The following ACSL3 variants were observed in gnomAD, a reference collection of about 807,000 sequenced individuals.
The protein encoded by ACSL3 is acyl-CoA synthetase long chain family member 3.
In ACSL3, 34 loss-of-function variants were observed where a neutral mutation model predicts 84.7. The ratio of observed to expected loss-of-function variants is 0.40; its 90% CI spans 0.31 to 0.53. The LOEUF (loss-of-function observed/expected upper bound fraction) is 0.53, where lower values mean the gene tolerates loss of function less well. Among genes scored for constraint, ACSL3 ranks in the 20% least tolerant of loss-of-function variants. ACSL3 has a pLI of 0.48. For synonymous variants in ACSL3, 315 were observed against 299.4 expected (o/e 1.05, Z -0.54); for missense variants, 680 against 873.1 (o/e 0.78, Z 2.79).
intron 12 of ACSL3, among the ~76,000 whole-genome samples, chr2:222,928,591 C>T (rs1300811648): frequency 6.6e-6 from 1 of 151,432 alleles, no homozygotes; most frequent in Admixed American, 6.6e-5. Context: ...CCCATTGTTG[C>T]TGGCGATTCC....
At position 222,921,317 on chromosome 2, in the gene ACSL3, T is replaced by C. The variant is rs1696728053; in HGVS notation, c.843T>C (p.Ile281=). 6.2e-7 allele frequency: 1 copy of C among 1,600,764 alleles called. No individual in the cohort carries two copies. Among genetic ancestry groups the C allele is most frequent in the East Asian group, 2.3e-5 (1 of 44,406 alleles). ...ATAGCAAACCATTGCCCTCAGATATTGCAGTAATCATGTACACAAGTGGAT... is the reference window on the plus strand; with the variant it reads ...ATAGCAAACCATTGCCCTCAGATATCGCAGTAATCATGTACACAAGTGGAT... ...QPHSKPLPSD[I]AVIMYTSGST... Residue 281 remains isoleucine (I), a synonymous_variant, in exon 8 of 17, where the codon ATT becomes ATC. Transcript: ENST00000357430.
chr2:222,926,953 T>A, intron 11 of ACSL3, 64 bp from the exon 12 acceptor site: 1 of 1,549,054 alleles, frequency 6.5e-7, no homozygotes, highest in South Asian at 1.2e-5. Flanking sequence ...GGGGATTAGT[T>A]TAAGTGATTT....
At chr2:222,934,427 T>TA (rs1491154161) in intron 15 of ACSL3, 103 bp from the exon 16 acceptor site, 143 of 959,958 alleles carry the variant, frequency 1.5e-4, no homozygotes, top group African/African-American at 1.3e-3. Flanking sequence ...ACATGCATTT[T>TA]AAAAAAAATG....
At chr2:222,918,659 AC>A (rs1696648629) in intron 6 of ACSL3, among the ~76,000 whole-genome samples, 1 of 148,262 alleles carries the variant, frequency 6.7e-6, no homozygotes, top group Admixed American at 6.7e-5. Context: ...TCACATGTAA[AC>A]TTGTTCAAAA....
intron 4 of ACSL3, among the ~76,000 whole-genome samples, chr2:222,911,311 A>G (rs1291602027): frequency 6.6e-6 from 1 of 152,120 alleles, no homozygotes; most frequent in Admixed American, 6.5e-5. Flanking sequence ...GGCCTCCCAA[A>G]GTGCTGGGAT....
rs921894474 is a variant in ACSL3 at position 222,943,145 on chromosome 2, G to T, written c.*1491G>T. On this transcript the variant is annotated 3_prime_UTR_variant, in exon 17 of 17. Transcript: ENST00000357430. ...AACCTAGGTCTGTGTAAAGTAAGGG[G>T]AGTGTTAGGAGCAGCCAGGACTGTG... The T allele has an allele frequency of 8.0e-5, 18 of 225,724 alleles. No homozygotes were observed. The highest frequency in any genetic ancestry group is 1.3e-4 in the Non-Finnish European group (15 of 113,610). 14.0% of individuals were successfully genotyped at this position (225,724 alleles called of 1,614,324 possible). A position where few individuals can be genotyped will look rare whatever the true frequency, so the allele number is the denominator to read the frequency against.
At chr2:222,901,964 A>AAAAAAAAAAAAAAAAAAAAAAATG (rs57522671) in intron 3 of ACSL3, among the ~76,000 whole-genome samples, 1 of 99,456 alleles carries the variant, frequency 1.0e-5, no homozygotes, top group Non-Finnish European at 1.8e-5. Flanking sequence ...AAAAAAAAAA[A>AAAAAAAAAAAAAAAAAAAAAAATG]GAACTCAAAT....
At chr2:222,871,067 A>ATAAAG (rs1695288458) in intron 1 of ACSL3, among the ~76,000 whole-genome samples, 3 of 152,162 alleles carry the variant, frequency 2.0e-5, no homozygotes, top group African/African-American at 7.2e-5. Context: ...ACCTGAACTG[A>ATAAAG]TAAAGTAACA....
chr2:222,931,463 A>AC (rs1697028502), intron 14 of ACSL3, among the ~76,000 whole-genome samples: 1 of 151,918 alleles, frequency 6.6e-6, no homozygotes, highest in Non-Finnish European at 1.5e-5. Context: ...TGCTAACTAG[A>AC]AACCTGGGAG....
chr2:222,902,711 A>T (rs183098998), intron 3 of ACSL3, among the ~76,000 whole-genome samples: 83 of 152,376 alleles, frequency 5.4e-4, no homozygotes, highest in African/African-American at 2.0e-3. Flanking sequence ...GGGGTCCTGC[A>T]GGCAGGTTTC....
chr2:222,930,499 G>A (rs1185756363), intron 13 of ACSL3, 122 bp from the exon 14 acceptor site: 1 of 777,342 alleles, frequency 1.3e-6, no homozygotes, highest in South Asian at 2.9e-5. Flanking sequence ...CATAGTGTCT[G>A]CCTTTTTTCC....
Position 222,939,727 on chromosome 2 carries a change from C to T in ACSL3, c.2006-1770C>T, listed in dbSNP as rs75548885. ...TGATGCGGTTGGTTTCCTTCTGTCC[C>T]GGAGTGTAGGAACTTCTTAAGTGGT... On this transcript the variant is annotated intron_variant, in intron 16 of 16. Transcript: ENST00000357430. Among the ~76,000 whole-genome samples the T allele has an allele frequency of 4.1e-3, 630 of 152,208 alleles. 2 individuals are homozygous for T. Among genetic ancestry groups the T allele is most frequent in the Middle Eastern group, 0.02 (6 of 294 alleles).
chr2:222,925,896 G>A (rs947469257), intron 11 of ACSL3, among the ~76,000 whole-genome samples: 1 of 152,146 alleles, frequency 6.6e-6, no homozygotes, highest in Non-Finnish European at 1.5e-5. Context: ...TCATAAAATA[G>A]CTTAGAAGTT....
chr2:222,934,621 G>A lies in ACSL3; in HGVS notation c.1939G>A (p.Glu647Lys). The change falls in exon 16 of 17, where the codon GAG becomes AAG. Residue 647 changes from glutamate (E) to lysine (K), a missense_variant. Glu to Lys is a moderately conservative substitution (Grantham distance 56). Coordinates refer to ENST00000357430, the MANE Select transcript of ACSL3 (RefSeq NM_004457.5). ...GAAAGGACTTAAAGGGACTTGGGAGGAGCTGTGTAACAGTTGTGAAATGGA... is the reference window on the plus strand; with the variant it reads ...GAAAGGACTTAAAGGGACTTGGGAGAAGCTGTGTAACAGTTGTGAAATGGA... ...RKKGLKGTWE[E>K]LCNSCEMENE... 3 of 1,609,202 alleles carry A rather than the reference G, an allele frequency of 1.9e-6. No individual in the cohort carries two copies. The highest frequency in any genetic ancestry group is 2.5e-6 in the Non-Finnish European group (3 of 1,178,378).
intron 15 of ACSL3, 42 bp downstream of exon 15, chr2:222,933,322 G>C (rs1376181679): frequency 3.5e-6 from 5 of 1,410,058 alleles, no homozygotes; most frequent in Non-Finnish European, 3.0e-6. Context: ...TAAAATATTT[G>C]ATGTCCATAG....
chr2:222,942,814 ATTTAAC>A lies in ACSL3; in HGVS notation c.*1165_*1170del, dbSNP rs1305514425. 5 of 219,876 alleles carry A rather than the reference ATTTAAC, an allele frequency of 2.3e-5. No homozygotes were observed. The highest frequency in any genetic ancestry group is 6.7e-5 in the East Asian group (1 of 14,824). 13.6% of individuals were successfully genotyped at this position (219,876 alleles called of 1,614,324 possible). The stretch of plus-strand genomic sequence containing the variant: ...AGCATTCTCACTAAGACACATGAGA[ATTTAAC>A]TTTATAACCGCGTGAGTTAAGATTT... On this transcript the variant is annotated 3_prime_UTR_variant, in exon 17 of 17. Coordinates refer to ENST00000357430, the MANE Select transcript of ACSL3 (RefSeq NM_004457.5).
chr2:222,869,610 G>T (rs1383334647), intron 1 of ACSL3, among the ~76,000 whole-genome samples: 3 of 152,222 alleles, frequency 2.0e-5, no homozygotes, highest in Admixed American at 6.5e-5. Flanking sequence ...AATGTTAAAT[G>T]AGCAGTATAA....
chr2:222,871,360 G>A (rs1695298190), intron 1 of ACSL3, among the ~76,000 whole-genome samples: 1 of 152,108 alleles, frequency 6.6e-6, no homozygotes, highest in Non-Finnish European at 1.5e-5. Context: ...CCAGATGAGG[G>A]GTCATCTGGG....
At position 222,924,490 on chromosome 2, in the gene ACSL3, A is replaced by G; in HGVS notation, c.1187A>G (p.Asn396Ser). 6.2e-7 allele frequency: 1 copy of G among 1,608,938 alleles called. No homozygotes were observed. The highest frequency in any genetic ancestry group is 2.2e-5 in the East Asian group (1 of 44,654). The change falls in exon 11 of 17, where the codon AAT becomes AGT. Residue 396 changes from asparagine (N) to serine (S), a missense_variant. Physicochemically the swap from Asn to Ser is conservative, Grantham distance 46. Transcript: ENST00000357430. ...GATCGGATCTACAAAAATGTCATGA[A>G]TAAAGTCAGTGAAATGAGTAGTTTT... is the stretch of plus-strand genomic sequence containing the variant. ...IMDRIYKNVM[N>S]KVSEMSSFQR...
Sources: gnomAD v4.1 joint callset for allele counts (sites outside exome capture counted in the v4.1 genomes callset) on GRCh38, gnomAD v4.1.1 for gene constraint, MANE v1.5 for transcripts, NCBI Gene and HGNC (gene_info 2026-07-23, HGNC 2026-07-21) for gene names.